Variants in GATAD1 observed in about 807,000 individuals in gnomAD.
GATAD1 encodes the protein GATA zinc finger domain containing 1, also known as GATA zinc finger domain-containing protein 1.
A neutral mutation model predicts 26.5 loss-of-function variants in GATAD1; 12 were observed. The ratio of observed to expected loss-of-function variants is 0.45; its 90% confidence interval spans 0.29 to 0.73. The LOEUF is 0.73. Among genes scored for constraint, GATAD1 ranks in the 30% least tolerant of loss-of-function variants. GATAD1 has a pLI of 0.10. For missense variants in GATAD1, 266 were observed against 342.1 expected (o/e 0.78, Z 1.75); for synonymous variants, 129 against 133.1 (o/e 0.97, Z 0.21).
At chr7:92,494,111 G>A in the GATAD1 span, 9 of 595,128 alleles carry the variant, frequency 1.5e-5, no homozygotes, top group Non-Finnish European at 2.7e-5. Flanking sequence ...CTTGCACTGG[G>A]CCAAAAAAAG....
In GATAD1 at chr7:92,447,633, C is replaced by G; in HGVS notation, c.-97C>G. ...CGTGCCGACGCTCTCACCGCTCTTCCTATCGCCGGGAGTGGCGGGCCGACC... is the reference window on the plus strand; with the variant it reads ...CGTGCCGACGCTCTCACCGCTCTTCGTATCGCCGGGAGTGGCGGGCCGACC... On this transcript the variant is annotated 5_prime_UTR_variant, in exon 1 of 5. Coordinates refer to ENST00000287957, the MANE Select transcript of GATAD1 (RefSeq NM_021167.5). 4 of 1,315,208 alleles carry G rather than the reference C, an allele frequency of 3.0e-6. No individual in the cohort carries two copies. 81.5% of individuals were successfully genotyped at this position (1,315,208 alleles called of 1,614,324 possible).
At chr7:92,460,315 G>A (rs1789872840), downstream of GATAD1, among the ~76,000 whole-genome samples, 1 of 152,196 alleles carries the variant, frequency 6.6e-6, no homozygotes, top group African/African-American at 2.4e-5. Flanking sequence ...CCCTGGGGAT[G>A]TTTGAAGAAC....
At chr7:92,451,105 A>G (rs1237643465) in intron 3 of GATAD1, among the ~76,000 whole-genome samples, 1 of 152,216 alleles carries the variant, frequency 6.6e-6, no homozygotes, top group Non-Finnish European at 1.5e-5. Context: ...TGAGAAGGAC[A>G]GAGACAGGAT....
At chr7:92,489,273 A>G in the GATAD1 span, 1 of 1,609,982 alleles carries the variant, frequency 6.2e-7, no homozygotes, top group Non-Finnish European at 8.5e-7. Flanking sequence ...TGTACTTCCA[A>G]AACAGAATCT....
chr7:92,447,840 C>T lies in GATAD1; in HGVS notation c.111C>T (p.Gly37=). The T allele has an allele frequency of 1.4e-6, 2 of 1,405,750 alleles. No homozygotes were observed. Among genetic ancestry groups the T allele is most frequent in the Non-Finnish European group, 1.9e-6 (2 of 1,075,094 alleles). 87.1% of individuals were successfully genotyped at this position (1,405,750 alleles called of 1,614,324 possible). The change falls in exon 1 of 5, where the codon GGC becomes GGT. Residue 37 remains glycine (G), a synonymous_variant. Transcript: ENST00000287957. ...EILCHHCTGR[G]GAGSGGAGSG... ...TCTGCCATCATTGCACTGGCCGGGG[C>T]GGCGCGGGCAGCGGGGGCGCAGGCT...
Position 92,458,766 on chromosome 7 carries a change from A to T in GATAD1, c.*2204A>T, listed in dbSNP as rs1251229040. 6.6e-6 allele frequency: 1 copy of T among 152,226 alleles called. No homozygotes were observed. The highest frequency in any genetic ancestry group is 1.5e-5 in the Non-Finnish European group (1 of 68,038). 9.4% of individuals were successfully genotyped at this position (152,226 alleles called of 1,614,324 possible). On this transcript the variant is annotated 3_prime_UTR_variant, in exon 5 of 5. Coordinates refer to ENST00000287957, the MANE Select transcript of GATAD1 (RefSeq NM_021167.5). ...CTTTATTCACAAAGGGTATAGTAAAATTGATTGTAAATAACTTTCTAAGTG... is the reference window on the plus strand; with the variant it reads ...CTTTATTCACAAAGGGTATAGTAAATTTGATTGTAAATAACTTTCTAAGTG...
At chr7:92,494,654 T>C in the GATAD1 span, 6 of 1,612,030 alleles carry the variant, frequency 3.7e-6, no homozygotes, top group South Asian at 6.6e-5. Flanking sequence ...CAACATTTCA[T>C]ATTTGAATCA....
intron 4 of GATAD1, among the ~76,000 whole-genome samples, chr7:92,455,218 G>A (rs1260531962): frequency 2.6e-5 from 4 of 152,168 alleles, no homozygotes; most frequent in Admixed American, 6.5e-5. Flanking sequence ...TAGCTGGAGT[G>A]TGAGTGCTAT....
intron 1 of GATAD1, 128 bp from the exon 2 acceptor site, chr7:92,448,624 G>T: frequency 1.3e-6 from 1 of 747,214 alleles, no homozygotes; most frequent in Non-Finnish European, 2.3e-6. Flanking sequence ...AAAGCAAAAG[G>T]GCAATCTTAA....
rs567638273 is a variant in GATAD1 at position 92,452,116 on chromosome 7, G to T, written c.435+1356G>T. On this transcript the variant is annotated intron_variant, in intron 3 of 4. Coordinates refer to ENST00000287957, the MANE Select transcript of GATAD1 (RefSeq NM_021167.5). ...GAATAGTAGGAGTTATCACATCTTCGTATTTGTGCATTACCTTCACAGTTT... is the reference window on the plus strand; with the variant it reads ...GAATAGTAGGAGTTATCACATCTTCTTATTTGTGCATTACCTTCACAGTTT... 3.9e-5 allele frequency among the ~76,000 whole-genome samples: 6 copies of T among 152,298 alleles called. No individual in the cohort carries two copies. The South Asian group carries it at 1.2e-3, about 32-fold the overall frequency.
chr7:92,447,777 G>A lies in GATAD1; in HGVS notation c.48G>A (p.Ser16=), dbSNP rs376686657. 2.4e-4 allele frequency: 353 copies of A among 1,498,470 alleles called. 22 individuals carry two copies. The East Asian group carries it at 2.4e-3, about 10-fold the overall frequency. 92.8% of individuals were successfully genotyped at this position (1,498,470 alleles called of 1,614,324 possible). A position where few individuals can be genotyped will look rare whatever the true frequency, so the allele number is the denominator to read the frequency against. Residue 16 remains serine, a synonymous_variant, in exon 1 of 5, where the codon TCG becomes TCA. Coordinates refer to ENST00000287957, the MANE Select transcript of GATAD1 (RefSeq NM_021167.5). ...KPTCSVCKTT[S]SSMWKKGAQG... The stretch of plus-strand genomic sequence containing the variant: ...CCTGCAGCGTATGCAAGACCACGTC[G>A]TCCTCCATGTGGAAGAAGGGAGCGC...
In GATAD1 at chr7:92,447,553, C is replaced by A; in HGVS notation, c.-177C>A. On this transcript the variant is annotated 5_prime_UTR_variant, in exon 1 of 5. Transcript: ENST00000287957. The stretch of plus-strand genomic sequence containing the variant: ...CTCCGCCTGCGGAGCCGGCGGAACC[C>A]GCTTCCCGCCTCCACGGGGCAGCGC... 1 of 792,382 alleles carries A rather than the reference C, an allele frequency of 1.3e-6. No individual in the cohort carries two copies. Among genetic ancestry groups the A allele is most frequent in the Non-Finnish European group, 1.7e-6 (1 of 581,626 alleles). The allele number at this position is 792,382 out of a possible 1,614,324, so 49.1% of individuals were successfully genotyped here. A position where few individuals can be genotyped will look rare whatever the true frequency, so the allele number is the denominator to read the frequency against.
chr7:92,449,097 A>AT (rs1182532262), intron 2 of GATAD1: 3 of 1,171,640 alleles, frequency 2.6e-6, no homozygotes, highest in African/African-American at 1.5e-5. Flanking sequence ...TTTAGCTTTT[A>AT]TTTTTTCCCC....
chr7:92,491,480 C>T, the GATAD1 span: 2 of 1,610,974 alleles, frequency 1.2e-6, no homozygotes, highest in East Asian at 2.2e-5. Flanking sequence ...ACTTAGGTCA[C>T]TATCAGAGCT....
the GATAD1 span, chr7:92,492,920 A>C: frequency 2.6e-6 from 4 of 1,557,712 alleles, no homozygotes; most frequent in South Asian, 4.4e-5. Context: ...TATCACTCAT[A>C]AAATGTCATA....
Position 92,459,784 on chromosome 7 carries a change from A to G in GATAD1, c.*3222A>G, listed in dbSNP as rs372732646. On this transcript the variant is annotated 3_prime_UTR_variant, in exon 5 of 5. Coordinates refer to ENST00000287957, the MANE Select transcript of GATAD1 (RefSeq NM_021167.5). ...CTGTGTTTTATTTACTCATCTTTGT[A>G]ACTTCCACATAACCTAACCCCGGTT... Among the ~76,000 whole-genome samples the G allele has an allele frequency of 7.2e-5, 11 of 152,280 alleles. 1 individual carries two copies. Among genetic ancestry groups the G allele is most frequent in the African/African-American group, 2.6e-4 (11 of 41,542 alleles).
rs1315891718 is a variant in GATAD1 at position 92,458,159 on chromosome 7, T to C, written c.*1597T>C. ...CAAAAAAGAAAAAAAAGAAAAAATTTTAATTTAATCCTTCTGTAGAAACAG... is the reference window on the plus strand; with the variant it reads ...CAAAAAAGAAAAAAAAGAAAAAATTCTAATTTAATCCTTCTGTAGAAACAG... On this transcript the variant is annotated 3_prime_UTR_variant, in exon 5 of 5. Coordinates refer to ENST00000287957, the MANE Select transcript of GATAD1 (RefSeq NM_021167.5). The C allele has an allele frequency of 1.4e-5, 2 of 145,354 alleles. No individual in the cohort carries two copies. The highest frequency in any genetic ancestry group is 3.0e-5 in the Non-Finnish European group (2 of 66,850). The allele number at this position is 145,354 out of a possible 1,614,324, so 9.0% of individuals were successfully genotyped here.
the GATAD1 span, chr7:92,493,166 A>ATTTTT: frequency 9.7e-5 from 110 of 1,131,138 alleles, 1 homozygote; most frequent in East Asian, 2.2e-3. Context: ...AATAAAAAAT[A>ATTTTT]AAATTAAAAA....
chr7:92,469,150 G>T, the GATAD1 span: 1 of 705,214 alleles, frequency 1.4e-6, no homozygotes, highest in Admixed American at 2.0e-5. Flanking sequence ...GACGATTCCG[G>T]ATTGATTAAC....
Sources: gnomAD v4.1 joint callset for allele counts (sites outside exome capture counted in the v4.1 genomes callset) on GRCh38, gnomAD v4.1.1 for gene constraint, MANE v1.5 for transcripts, NCBI Gene and HGNC (gene_info 2026-07-23, HGNC 2026-07-21) for gene names.